The following ABCD4 variants were observed in gnomAD, a reference collection of about 807,000 sequenced individuals.
ABCD4 encodes lysosomal cobalamin transporter ABCD4.
In ABCD4, 53 loss-of-function variants were observed where a neutral mutation model predicts 86.3. The observed-to-expected ratio is 0.61, with a 90% CI of 0.49 to 0.77. The LOEUF is 0.77. ABCD4 is among the 30% of genes least tolerant of loss of function. ABCD4 has a pLI of 0.00. For synonymous variants in ABCD4, 328 were observed against 313.6 expected, an observed-to-expected ratio of 1.05 and a Z score of -0.49; for missense variants, 757 against 764.5, an observed-to-expected ratio of 0.99 and a Z score of 0.12.
chr14:74,299,759 C>T, intron 2 of ABCD4, 84 bp from the exon 3 acceptor site: 1 of 1,413,830 alleles, frequency 7.1e-7, no homozygotes, highest in Non-Finnish European at 9.7e-7. Flanking sequence ...GCCTCATCAG[C>T]ACCCCAAAGA....
At chr14:74,291,326 G>A (rs1321954355) in intron 11 of ABCD4, among the ~76,000 whole-genome samples, 1 of 152,228 alleles carries the variant, frequency 6.6e-6, no homozygotes, top group African/African-American at 2.4e-5. Flanking sequence ...AGCCCCTTAT[G>A]GGACTGATCT....
At position 74,288,189 on chromosome 14, in the gene ABCD4, C is replaced by T; in HGVS notation, c.1559+18G>A. On this transcript the variant is annotated intron_variant, in intron 16 of 18. Transcript: ENST00000356924. Reference sequence around the variant, plus strand: ...TTATGGTGGGGCTATCTCTGGAGCACCCAAGCTCTTTTCTTACCAGTTCCA... The same window carrying T: ...TTATGGTGGGGCTATCTCTGGAGCATCCAAGCTCTTTTCTTACCAGTTCCA... The T allele has an allele frequency of 6.2e-6, 10 of 1,612,052 alleles. No individual in the cohort carries two copies. The highest frequency in any genetic ancestry group is 8.5e-6 in the Non-Finnish European group (10 of 1,179,124).
At position 74,287,700 on chromosome 14, in the gene ABCD4, C is replaced by T. The variant is rs572581594; in HGVS notation, c.1636+110G>A. 62 of 1,040,022 alleles carry T rather than the reference C, an allele frequency of 6.0e-5. No homozygotes were observed. The East Asian group carries it at 8.1e-4, about 14-fold the overall frequency. 64.4% of individuals were successfully genotyped at this position (1,040,022 alleles called of 1,614,324 possible). On this transcript the variant is annotated intron_variant, in intron 17 of 18. Coordinates refer to ENST00000356924, the MANE Select transcript of ABCD4 (RefSeq NM_005050.4). ...CTGCTGTCCTCTCCAGCAGGGAATG[C>T]GGAGAAGCCCAGCCATTCACAGGTG...
At chr14:74,289,657 G>A (rs949417368) in intron 13 of ABCD4, 138 bp from the exon 14 acceptor site, 46 of 1,477,958 alleles carry the variant, frequency 3.1e-5, no homozygotes, top group Non-Finnish European at 4.1e-5. Context: ...TCAGATGGGA[G>A]AGGCTCTGGC....
intron 7 of ABCD4, chr14:74,294,753 C>G (rs2082409295): frequency 5.4e-6 from 1 of 185,174 alleles, no homozygotes; most frequent in Admixed American, 5.8e-5. Flanking sequence ...TGAGAAGCTC[C>G]CATTCCATCC....
chr14:74,290,138 C>A lies in ABCD4; in HGVS notation c.1328-20G>T. ...CTGAGCCTGCAGAGCCCACAGAAAC[C>A]TCCATTGTGAGATCTCCCAGAAGAG... On this transcript the variant is annotated intron_variant, in intron 12 of 18. Transcript: ENST00000356924. The A allele has an allele frequency of 6.2e-7, 1 of 1,614,126 alleles. No individual in the cohort carries two copies. Among genetic ancestry groups the A allele is most frequent in the Non-Finnish European group, 8.5e-7 (1 of 1,179,994 alleles).
chr14:74,286,492 C>A lies in ABCD4; in HGVS notation c.1790G>T (p.Arg597Ile), dbSNP rs575071154. 1 of 1,614,254 alleles carries A rather than the reference C, an allele frequency of 6.2e-7. No homozygotes were observed. Among genetic ancestry groups the A allele is most frequent in the South Asian group, 1.1e-5 (1 of 91,088 alleles). Residue 597 changes from arginine to isoleucine, a missense_variant, in exon 19 of 19, where the codon AGA becomes ATA. Arg to Ile is a moderately conservative substitution (Grantham distance 97). Coordinates refer to ENST00000356924, the MANE Select transcript of ABCD4 (RefSeq NM_005050.4). ...SLVLKLCGGGRWELMRIKVE is the reference protein window; with the variant it reads ...SLVLKLCGGGIWELMRIKVE ...CACTTTGATTCTCATCAGCTCCCAT[C>A]TTCCTCCTCCACAGAGTTTCAGAAC... is the stretch of plus-strand genomic sequence containing the variant.
chr14:74,286,371 C>T lies in ABCD4; in HGVS notation c.*90G>A. The T allele has an allele frequency of 6.9e-7, 1 of 1,441,784 alleles. No homozygotes were observed. The highest frequency in any genetic ancestry group is 9.7e-7 in the Non-Finnish European group (1 of 1,029,866). 89.3% of individuals were successfully genotyped at this position (1,441,784 alleles called of 1,614,324 possible). On this transcript the variant is annotated 3_prime_UTR_variant, in exon 19 of 19. Coordinates refer to ENST00000356924, the MANE Select transcript of ABCD4 (RefSeq NM_005050.4). ...CCTGCACGGGATCTATGTGGCGAACCTGAGCTCGATCTTCGCTGTCAGTCC... is the reference window on the plus strand; with the variant it reads ...CCTGCACGGGATCTATGTGGCGAACTTGAGCTCGATCTTCGCTGTCAGTCC...
intron 7 of ABCD4, chr14:74,294,021 T>C (rs564274013): frequency 6.6e-6 from 1 of 152,032 alleles, no homozygotes; most frequent in South Asian, 2.1e-4. Context: ...CAGAGCTTCA[T>C]GAGCAGAGGC....
In ABCD4 at chr14:74,286,286, A is replaced by G. The variant is rs2079720882; in HGVS notation, c.*175T>C. 1.9e-5 allele frequency: 12 copies of G among 634,872 alleles called. No homozygotes were observed. The highest frequency in any genetic ancestry group is 1.7e-4 in the South Asian group (9 of 52,020). 39.3% of individuals were successfully genotyped at this position (634,872 alleles called of 1,614,324 possible). On this transcript the variant is annotated 3_prime_UTR_variant, in exon 19 of 19. Transcript: ENST00000356924. ...CTGGGAGATTCAGTGTCCCCCACAG[A>G]AACCTAGACCTGGGCTCAGCCCACC...
chr14:74,298,889 G>A (rs2083562781), intron 3 of ABCD4, among the ~76,000 whole-genome samples: 1 of 152,206 alleles, frequency 6.6e-6, no homozygotes, highest in South Asian at 2.1e-4. Flanking sequence ...GGGCACCTAT[G>A]TGCTAAGCAC....
rs1566958921 is a variant in ABCD4 at position 74,293,025 on chromosome 14, C to G, written c.814+129G>C. On this transcript the variant is annotated intron_variant, in intron 8 of 18. Coordinates refer to ENST00000356924, the MANE Select transcript of ABCD4 (RefSeq NM_005050.4). The stretch of plus-strand genomic sequence containing the variant: ...ACTCACAGAAAGGCAACAGCCCCCC[C>G]TCCTCATCCCCGGTTAATTCCTTCA... 6.2e-6 allele frequency: 9 copies of G among 1,444,468 alleles called. No homozygotes were observed. The East Asian group carries it at 6.8e-5, about 11-fold the overall frequency. The allele number at this position is 1,444,468 out of a possible 1,614,324, so 89.5% of individuals were successfully genotyped here. A position where few individuals can be genotyped will look rare whatever the true frequency, so the allele number is the denominator to read the frequency against.
At chr14:74,299,448 A>T in intron 3 of ABCD4, 100 bp downstream of exon 3, 1 of 1,470,564 alleles carries the variant, frequency 6.8e-7, no homozygotes, top group South Asian at 1.2e-5. Context: ...ACACACCCCC[A>T]CAGCTTGCTT....
At chr14:74,296,119 G>T in intron 5 of ABCD4, 140 bp from the exon 6 acceptor site, 1 of 1,254,798 alleles carries the variant, frequency 8.0e-7, no homozygotes, top group Non-Finnish European at 1.1e-6. Flanking sequence ...CTCCTATGTG[G>T]GGGCATCTGG....
intron 10 of ABCD4, 56 bp from the exon 11 acceptor site, chr14:74,292,432 C>A: frequency 6.2e-7 from 1 of 1,602,012 alleles, no homozygotes; most frequent in African/African-American, 1.3e-5. Flanking sequence ...AAGGTGAACT[C>A]CTTTTCCTAT....
intron 4 of ABCD4, chr14:74,296,690 G>T: frequency 2.1e-6 from 1 of 480,092 alleles, no homozygotes; most frequent in Non-Finnish European, 3.8e-6. Flanking sequence ...TGAAAAAGTG[G>T]GAACTGAAAG....
At chr14:74,294,721 G>C (rs1237660200) in intron 7 of ABCD4, 1 of 175,494 alleles carries the variant, frequency 5.7e-6, no homozygotes, top group South Asian at 1.4e-4. Context: ...CAGCATTGTG[G>C]GGAGCAGGTC....
At chr14:74,297,311 C>A (rs2083118510) in intron 4 of ABCD4, 1 of 152,262 alleles carries the variant, frequency 6.6e-6, no homozygotes, top group South Asian at 2.1e-4. Flanking sequence ...TTATTGTCCT[C>A]ATTTTACAGA....
intron 14 of ABCD4, 147 bp from the exon 15 acceptor site, chr14:74,288,912 GACCA>G: frequency 9.3e-7 from 1 of 1,072,206 alleles, no homozygotes; most frequent in Middle Eastern, 2.4e-4. Flanking sequence ...AGGAGATGGA[GACCA>G]CCCTGGCCAA....
Sources: gnomAD v4.1 joint callset for allele counts (sites outside exome capture counted in the v4.1 genomes callset) on GRCh38, gnomAD v4.1.1 for gene constraint, MANE v1.5 for transcripts, NCBI Gene and HGNC (gene_info 2026-07-23, HGNC 2026-07-21) for gene names.